The following CELF2 variants were observed in gnomAD, a reference collection of about 807,000 sequenced individuals.
CELF2 encodes the protein CUGBP Elav-like family member 2.
In CELF2, 8 loss-of-function variants were observed where a neutral mutation model predicts 62.6. The ratio of observed to expected loss-of-function variants is 0.13; its 90% CI spans 0.07 to 0.23. The LOEUF (loss-of-function observed/expected upper bound fraction) is 0.23, where lower values mean the gene tolerates loss of function less well. Among genes scored for constraint, CELF2 ranks in the 10% least tolerant of loss-of-function variants. The pLI, the probability that CELF2 is intolerant of heterozygous loss-of-function variation, is 1.00. For missense variants in CELF2, 333 were observed against 671.0 expected, an observed-to-expected ratio of 0.50 and a Z score of 5.56; for synonymous variants, 258 against 250.0, an observed-to-expected ratio of 1.03 and a Z score of -0.30.
chr10:11,149,377 A>T (rs1258850971), intron 1 of CELF2, among the ~76,000 whole-genome samples: 2 of 152,128 alleles, frequency 1.3e-5, no homozygotes, highest in African/African-American at 4.8e-5. Context: ...ACCTATTGAC[A>T]CATATATTAA....
At chr10:10,811,813 C>A (rs1246393234) in intron 1 of CELF2, among the ~76,000 whole-genome samples, 2 of 152,104 alleles carry the variant, frequency 1.3e-5, no homozygotes, top group Non-Finnish European at 2.9e-5. Context: ...CTGATGAAAT[C>A]ATTTGTGTTG....
At chr10:11,298,534 T>C (rs566502377) in intron 9 of CELF2, among the ~76,000 whole-genome samples, 63 of 152,334 alleles carry the variant, frequency 4.1e-4, no homozygotes, top group African/African-American at 1.4e-3. Flanking sequence ...ACCTACAGAA[T>C]GTAACAGAGG....
At chr10:11,141,609 A>C (rs1005609107) in intron 1 of CELF2, among the ~76,000 whole-genome samples, 1 of 152,216 alleles carries the variant, frequency 6.6e-6, no homozygotes, top group Admixed American at 6.5e-5. Flanking sequence ...GGGGTGGGGA[A>C]GAATACAAAA....
the CELF2 span, among the ~76,000 whole-genome samples, chr10:10,657,605 T>C: frequency 2.0e-5 from 3 of 152,106 alleles, no homozygotes; most frequent in Non-Finnish European, 4.4e-5. Flanking sequence ...AAAAAAAGAA[T>C]GCATGTAATA....
At chr10:10,740,695 G>T in the CELF2 span, among the ~76,000 whole-genome samples, 1 of 152,148 alleles carries the variant, frequency 6.6e-6, no homozygotes, top group Non-Finnish European at 1.5e-5. Flanking sequence ...TTGAATAAAT[G>T]GATAAAGAAA....
chr10:10,977,824 G>T (rs1440250401), intron 2 of CELF2, among the ~76,000 whole-genome samples: 1 of 152,186 alleles, frequency 6.6e-6, no homozygotes, highest in Non-Finnish European at 1.5e-5. Context: ...GTTCTGAGCA[G>T]TGTGTTTTAA....
intron 1 of CELF2, among the ~76,000 whole-genome samples, chr10:11,033,003 T>A (rs1228804758): frequency 6.6e-6 from 1 of 152,236 alleles, no homozygotes; most frequent in Non-Finnish European, 1.5e-5. Context: ...GTATTAACAT[T>A]CATGGAGTTA....
the CELF2 span, among the ~76,000 whole-genome samples, chr10:10,494,636 A>G: frequency 2.0e-5 from 3 of 152,222 alleles, no homozygotes; most frequent in Middle Eastern, 3.2e-3. Flanking sequence ...CACCCTCAGC[A>G]TAATCTTCTT....
At chr10:11,190,467 C>A (rs1167797622) in intron 2 of CELF2, among the ~76,000 whole-genome samples, 1 of 151,842 alleles carries the variant, frequency 6.6e-6, no homozygotes, top group Non-Finnish European at 1.5e-5. Flanking sequence ...GCCCTTTTCT[C>A]TTTGAAAAAA....
intron 1 of CELF2, among the ~76,000 whole-genome samples, chr10:11,099,846 GGAAACTCC>G (rs2050944522): frequency 6.7e-6 from 1 of 149,122 alleles, no homozygotes; most frequent in South Asian, 2.1e-4. Flanking sequence ...CCCTATTATT[GGAAACTCC>G]TTGTTTCTAC....
At chr10:11,196,798 A>T (rs1405592811) in intron 2 of CELF2, among the ~76,000 whole-genome samples, 1 of 151,816 alleles carries the variant, frequency 6.6e-6, no homozygotes, top group Non-Finnish European at 1.5e-5. Flanking sequence ...TCTACAAAAA[A>T]ATACAAAAAT....
chr10:10,955,937 C>T (rs1258919456), intron 2 of CELF2, among the ~76,000 whole-genome samples: 1 of 152,178 alleles, frequency 6.6e-6, no homozygotes, highest in African/African-American at 2.4e-5. Flanking sequence ...AGTTTAAACA[C>T]TAACCCGAGC....
At chr10:11,323,149 G>T (rs1231688133) in intron 11 of CELF2, among the ~76,000 whole-genome samples, 4 of 152,088 alleles carry the variant, frequency 2.6e-5, no homozygotes, top group African/African-American at 9.7e-5. Context: ...AGTTTTAGGG[G>T]TTACTGCTTA....
upstream of CELF2, among the ~76,000 whole-genome samples, chr10:11,004,265 G>A (rs749607290): frequency 5.3e-5 from 8 of 152,126 alleles, no homozygotes; most frequent in South Asian, 2.1e-4. The surrounding 1 kb of genome is among the most constrained non-coding windows in gnomAD (Gnocchi z 5.0). Context: ...AGTGACCCAC[G>A]TCTGTTTGAG....
chr10:10,469,725 T>C, the CELF2 span, among the ~76,000 whole-genome samples: 1 of 151,900 alleles, frequency 6.6e-6, no homozygotes, highest in South Asian at 2.1e-4. Flanking sequence ...TGGTAATTTT[T>C]TTTCTTCCTT....
chr10:11,166,443 G>C (rs1316723427), intron 2 of CELF2, among the ~76,000 whole-genome samples: 1 of 152,208 alleles, frequency 6.6e-6, no homozygotes. Flanking sequence ...GGAGTGTGAT[G>C]CTTCTATGCC....
At chr10:10,914,710 A>G (rs185658385) in intron 1 of CELF2, among the ~76,000 whole-genome samples, 2 of 152,320 alleles carry the variant, frequency 1.3e-5, no homozygotes, top group East Asian at 3.9e-4. Context: ...GCCCAAGGAT[A>G]TACAACTTAT....
At chr10:11,282,006 T>A (rs1265761496) in intron 8 of CELF2, among the ~76,000 whole-genome samples, 1 of 152,160 alleles carries the variant, frequency 6.6e-6, no homozygotes, top group Admixed American at 6.5e-5. Flanking sequence ...CTCACATCTG[T>A]TCATACTGTT....
At position 10,931,246 on chromosome 10, in the gene CELF2, A is replaced by G. The variant is rs1040660678; in HGVS notation, c.89+11247A>G. 1.4e-4 allele frequency among the ~76,000 whole-genome samples: 21 copies of G among 152,218 alleles called. No homozygotes were observed. Among genetic ancestry groups the G allele is most frequent in the African/African-American group, 4.6e-4 (19 of 41,450 alleles). The stretch of plus-strand genomic sequence containing the variant: ...GTTCATTTTTCAAATAAGCAACATT[A>G]GACTCACAAAACACTATATAAAACC... On this transcript the variant is annotated intron_variant, in intron 2 of 13. Transcript: ENST00000636488. This position sits in a 1 kb window ranked among gnomAD's most constrained non-coding sequence, Gnocchi z 6.1.
Sources: gnomAD v4.1 joint callset for allele counts (sites outside exome capture counted in the v4.1 genomes callset) on GRCh38, gnomAD v4.1.1 for gene constraint, Gnocchi (gnomAD v3.1) non-coding constraint, MANE v1.5 for transcripts, NCBI Gene and HGNC (gene_info 2026-07-23, HGNC 2026-07-21) for gene names.